Variants in CSMD1 observed in about 807,000 individuals in gnomAD.
CSMD1 encodes CUB and sushi domain-containing protein 1.
Under a neutral mutation model 417.5 loss-of-function variants are expected in CSMD1, and 213 were observed. The observed-to-expected ratio is 0.51, with a 90% CI of 0.46 to 0.57. The LOEUF (loss-of-function observed/expected upper bound fraction) is 0.57. Among genes scored for constraint, CSMD1 ranks in the 20% least tolerant of loss-of-function variants. CSMD1 has a pLI of 0.00. For synonymous variants in CSMD1, 2,862 were observed against 1,736.8 expected, an observed-to-expected ratio of 1.65 and a Z score of -16.11; for missense variants, 6,923 against 4,529.7, an observed-to-expected ratio of 1.53 and a Z score of -15.17.
chr8:3,673,181 T>C (rs1250269659), intron 7 of CSMD1, among the ~76,000 whole-genome samples: 1 of 152,208 alleles, frequency 6.6e-6, no homozygotes, highest in Non-Finnish European at 1.5e-5. Context: ...GGACACAGAA[T>C]CTGAAATTAT....
At chr8:4,664,218 G>C (rs565223441) in intron 1 of CSMD1, among the ~76,000 whole-genome samples, 92 of 152,204 alleles carry the variant, frequency 6.0e-4, no homozygotes, top group African/African-American at 2.2e-3. Context: ...CATTATCTTG[G>C]GGACATTTAA....
chr8:3,230,301 G>C, intron 26 of CSMD1, 70 bp from the exon 27 acceptor site: 1 of 1,272,330 alleles, frequency 7.9e-7, no homozygotes, highest in South Asian at 1.6e-5. Flanking sequence ...CGGTGTGGTT[G>C]TTCTTGTGGG....
chr8:3,171,982 C>G (rs2129044158), intron 37 of CSMD1, among the ~76,000 whole-genome samples: 1 of 152,280 alleles, frequency 6.6e-6, no homozygotes, highest in African/African-American at 2.4e-5. Flanking sequence ...AAAGGCTAGA[C>G]TTACCTAAAT....
At chr8:4,674,312 G>C (rs1805539160) in intron 1 of CSMD1, among the ~76,000 whole-genome samples, 2 of 152,060 alleles carry the variant, frequency 1.3e-5, no homozygotes, top group Admixed American at 6.6e-5. Flanking sequence ...CCTGGATTGA[G>C]GCTGAAAAAA....
chr8:3,456,986 C>A (rs901357178), intron 12 of CSMD1, among the ~76,000 whole-genome samples: 1 of 151,918 alleles, frequency 6.6e-6, no homozygotes, highest in African/African-American at 2.4e-5. Context: ...ATCCCATAGC[C>A]CCTCATTTTG....
chr8:3,871,497 AAAC>A (rs1274236661), intron 5 of CSMD1, among the ~76,000 whole-genome samples: 1 of 152,192 alleles, frequency 6.6e-6, no homozygotes. Flanking sequence ...TAGACTTAAT[AAAC>A]ATTTGTATCT....
At chr8:3,411,976 ATACACG>A (rs796255431) in intron 12 of CSMD1, among the ~76,000 whole-genome samples, 1 of 65,174 alleles carries the variant, frequency 1.5e-5, no homozygotes, top group Non-Finnish European at 3.0e-5. Flanking sequence ...GCACGTATAT[ATACACG>A]TATATATACG....
intron 57 of CSMD1, 75 bp from the exon 58 acceptor site, chr8:2,966,821 G>C (rs899791753): frequency 7.4e-7 from 1 of 1,359,084 alleles, no homozygotes; most frequent in African/African-American, 1.4e-5. Context: ...AGAGACCAAT[G>C]GGTATCAGTG....
intron 1 of CSMD1, among the ~76,000 whole-genome samples, chr8:4,676,050 C>T (rs1805663743): frequency 6.6e-6 from 1 of 152,148 alleles, no homozygotes; most frequent in South Asian, 2.1e-4. Context: ...TTTATCCTTT[C>T]AACAGTCCTA....
chr8:4,393,718 T>G (rs1366772075), intron 3 of CSMD1, among the ~76,000 whole-genome samples: 2 of 152,192 alleles, frequency 1.3e-5, no homozygotes, highest in Non-Finnish European at 2.9e-5. Flanking sequence ...GGAGCAGACC[T>G]TGAAAATCTC....
At chr8:3,492,006 G>C (rs964333104) in intron 11 of CSMD1, among the ~76,000 whole-genome samples, 2 of 152,172 alleles carry the variant, frequency 1.3e-5, no homozygotes, top group Non-Finnish European at 2.9e-5. Flanking sequence ...TTTGTTCTCA[G>C]GGCAAATGGG....
intron 8 of CSMD1, among the ~76,000 whole-genome samples, chr8:3,614,341 C>T (rs985966370): frequency 6.6e-6 from 1 of 151,208 alleles, no homozygotes; most frequent in African/African-American, 2.4e-5. Context: ...CTAGATTCTC[C>T]CTACACCGCC....
chr8:4,469,422 G>A (rs923652145), intron 2 of CSMD1, among the ~76,000 whole-genome samples: 3 of 152,206 alleles, frequency 2.0e-5, no homozygotes, highest in Non-Finnish European at 2.9e-5. Flanking sequence ...CAGATTACAA[G>A]TATCATCTGG....
At chr8:3,950,817 T>C (rs1384443178) in intron 5 of CSMD1, among the ~76,000 whole-genome samples, 3 of 152,040 alleles carry the variant, frequency 2.0e-5, no homozygotes, top group Admixed American at 2.0e-4. Context: ...ATAGGTTTAG[T>C]ATATTAAAAT....
intron 23 of CSMD1, among the ~76,000 whole-genome samples, chr8:3,336,376 T>C (rs1043770710): frequency 1.3e-5 from 2 of 152,206 alleles, no homozygotes; most frequent in Non-Finnish European, 2.9e-5. Flanking sequence ...ATAGCCTTTT[T>C]CATGACCCCT....
Position 3,776,783 on chromosome 8 carries a change from T to C in CSMD1, c.819-22741A>G, listed in dbSNP as rs567363931. On this transcript the variant is annotated intron_variant, in intron 5 of 69. Transcript: ENST00000635120. ...AGATACAGAGATGATAGATGAGCAG[T>C]GATAGATAGTGACATATAGACGAGA... Among the ~76,000 whole-genome samples, 39 of 120,614 alleles carry C rather than the reference T, an allele frequency of 3.2e-4. No individual in the cohort carries two copies. In the South Asian group the frequency reaches 9.2e-3, roughly 28 times the overall value. The allele number at this position is 120,614 out of a possible 152,430, so 79.1% of individuals were successfully genotyped here. A position where few individuals can be genotyped will look rare whatever the true frequency, so the allele number is the denominator to read the frequency against.
intron 1 of CSMD1, among the ~76,000 whole-genome samples, chr8:4,741,264 T>C (rs1225588138): frequency 6.6e-6 from 1 of 152,198 alleles, no homozygotes; most frequent in East Asian, 1.9e-4. Flanking sequence ...GAAGAGCATC[T>C]TTGTGAAAAT....
chr8:3,711,726 C>T (rs1022953974), intron 6 of CSMD1, among the ~76,000 whole-genome samples: 17 of 152,160 alleles, frequency 1.1e-4, no homozygotes, highest in African/African-American at 4.1e-4. Flanking sequence ...ATAATGCTTT[C>T]ATCCAAAATG....
chr8:4,456,093 C>T (rs1405701309), intron 2 of CSMD1, among the ~76,000 whole-genome samples: 2 of 141,216 alleles, frequency 1.4e-5, no homozygotes, highest in Admixed American at 7.1e-5. Flanking sequence ...TGTGAAAGTA[C>T]GTACTGCACA....
Sources: allele counts gnomAD v4.1 joint callset (sites outside exome capture counted in the v4.1 genomes callset), GRCh38; gene constraint gnomAD v4.1.1; transcripts MANE v1.5; gene names NCBI Gene and HGNC (gene_info 2026-07-23, HGNC 2026-07-21).